The following DNM3 variants were observed in gnomAD, a reference collection of about 807,000 sequenced individuals.
The protein encoded by DNM3 is dynamin-3.
In DNM3, 47 loss-of-function variants were observed where a neutral mutation model predicts 101.6. The observed-to-expected ratio is 0.46, with a 90% CI of 0.37 to 0.59. DNM3 has a LOEUF of 0.59. DNM3 is among the 20% of genes least tolerant of loss of function. DNM3 has a pLI of 0.00. For missense variants in DNM3, 849 were observed against 1,085.7 expected (o/e 0.78, Z 3.06); for synonymous variants, 385 against 387.9 (o/e 0.99, Z 0.09).
chr1:171,912,866 T>C (rs2039419422), intron 1 of DNM3, among the ~76,000 whole-genome samples: 1 of 152,356 alleles, frequency 6.6e-6, no homozygotes, highest in African/African-American at 2.4e-5. Context: ...ATCTTTTTAC[T>C]AGTGCTTTTT....
At chr1:172,324,162 G>A (rs1000038714) in intron 17 of DNM3, among the ~76,000 whole-genome samples, 2 of 152,138 alleles carry the variant, frequency 1.3e-5, no homozygotes, top group Admixed American at 1.3e-4. Context: ...GTTTAGTTGG[G>A]CGATTTGTTT....
At chr1:171,890,452 T>C (rs1237565526) in intron 1 of DNM3, among the ~76,000 whole-genome samples, 1 of 152,192 alleles carries the variant, frequency 6.6e-6, no homozygotes, top group African/African-American at 2.4e-5. Context: ...GTGACTTCCT[T>C]GTGTAAAACT....
chr1:172,228,005 T>C (rs1042892263), intron 14 of DNM3, among the ~76,000 whole-genome samples: 7 of 152,150 alleles, frequency 4.6e-5, no homozygotes, highest in African/African-American at 1.4e-4. Context: ...CCTTGACACT[T>C]TTCTATTAGG....
intron 4 of DNM3, among the ~76,000 whole-genome samples, chr1:172,014,503 A>G (rs1034301079): frequency 1.8e-4 from 27 of 152,116 alleles, no homozygotes; most frequent in Admixed American, 6.6e-5. Flanking sequence ...ATAGGTGTGT[A>G]GTGGCATTTC....
intron 2 of DNM3, among the ~76,000 whole-genome samples, chr1:171,927,515 T>C (rs1008133987): frequency 1.3e-5 from 2 of 152,240 alleles, no homozygotes; most frequent in African/African-American, 4.8e-5. Context: ...TTTCTGTTCC[T>C]GCGTTAGTTT....
intron 13 of DNM3, among the ~76,000 whole-genome samples, chr1:172,108,675 T>G (rs981370426): frequency 2.8e-4 from 42 of 152,348 alleles, no homozygotes; most frequent in Middle Eastern, 3.4e-3. Flanking sequence ...CCCAGGGAAT[T>G]CCATCAGGCT....
rs540071418 is a variant in DNM3 at position 172,406,691 on chromosome 1, T to A, written c.2523-1081T>A. 3.0e-4 allele frequency among the ~76,000 whole-genome samples: 46 copies of A among 151,872 alleles called. 1 individual carries two copies. The South Asian group carries it at 8.9e-3, about 29-fold the overall frequency. On this transcript the variant is annotated intron_variant, in intron 20 of 20. Transcript: ENST00000627582. ...TTTCAACAACTATTTTTTTCAAAAC[T>A]ATTTTTCAAAACTATTTTTCATAAT...
At chr1:171,985,050 G>A (rs2045142309) in intron 2 of DNM3, among the ~76,000 whole-genome samples, 7 of 152,158 alleles carry the variant, frequency 4.6e-5, no homozygotes, top group Admixed American at 4.6e-4. Context: ...TGCAGAGAAA[G>A]CAAGTAGGTG....
chr1:172,392,348 T>C (rs995197169), intron 20 of DNM3, among the ~76,000 whole-genome samples: 2 of 152,234 alleles, frequency 1.3e-5, no homozygotes, highest in African/African-American at 4.8e-5. Context: ...CCAGAATATC[T>C]GGATTGTCAC....
intron 14 of DNM3, among the ~76,000 whole-genome samples, chr1:172,204,093 T>C (rs1365116551): frequency 6.6e-6 from 1 of 152,188 alleles, no homozygotes; most frequent in Non-Finnish European, 1.5e-5. Flanking sequence ...CCCAGTGCTA[T>C]GGCATATTTT....
intron 4 of DNM3, among the ~76,000 whole-genome samples, chr1:172,014,661 A>G (rs538630028): frequency 1.3e-5 from 2 of 152,156 alleles, no homozygotes; most frequent in Middle Eastern, 3.4e-3. Flanking sequence ...TTGAGTTTTA[A>G]GAGTATTTTT....
chr1:171,981,830 A>C (rs2044820665), intron 2 of DNM3, among the ~76,000 whole-genome samples: 1 of 152,248 alleles, frequency 6.6e-6, no homozygotes, highest in Non-Finnish European at 1.5e-5. Flanking sequence ...TGAAAATGAA[A>C]TAAATTTCAA....
intron 10 of DNM3, among the ~76,000 whole-genome samples, chr1:172,054,176 A>G (rs998030502): frequency 1.3e-5 from 2 of 152,324 alleles, no homozygotes; most frequent in South Asian, 2.1e-4. Context: ...AAAACCTTAA[A>G]TGCTTTTTTC....
intron 2 of DNM3, among the ~76,000 whole-genome samples, chr1:171,971,181 C>T (rs540548749): frequency 1.9e-4 from 29 of 152,000 alleles, no homozygotes; most frequent in South Asian, 1.0e-3. Context: ...TTTGCCCAGC[C>T]GTATATCTCC....
At chr1:171,848,328 A>G (rs2124979008) in intron 1 of DNM3, among the ~76,000 whole-genome samples, 1 of 152,188 alleles carries the variant, frequency 6.6e-6, no homozygotes, top group East Asian at 1.9e-4. Flanking sequence ...TCCCATACAG[A>G]ATAGTGGAGA....
intron 15 of DNM3, among the ~76,000 whole-genome samples, chr1:172,269,486 T>C (rs2063000545): frequency 6.6e-6 from 1 of 152,174 alleles, no homozygotes; most frequent in Admixed American, 6.5e-5. Context: ...CTAAGAGACA[T>C]GCTTTAAATG....
chr1:172,124,886 C>T (rs994395271), intron 13 of DNM3, among the ~76,000 whole-genome samples: 6 of 152,178 alleles, frequency 3.9e-5, no homozygotes, highest in Admixed American at 3.3e-4. Context: ...AATGGGAAGA[C>T]TCTTTTCCCT....
At chr1:172,346,555 A>T (rs1443978335) in intron 17 of DNM3, among the ~76,000 whole-genome samples, 1 of 152,238 alleles carries the variant, frequency 6.6e-6, no homozygotes, top group Non-Finnish European at 1.5e-5. Context: ...GACGACTAAG[A>T]TACTGTTGCA....
chr1:172,039,918 AAC>A (rs2049250744), intron 7 of DNM3, among the ~76,000 whole-genome samples: 1 of 152,156 alleles, frequency 6.6e-6, no homozygotes, highest in East Asian at 1.9e-4. Context: ...AACACAATTT[AAC>A]ACAATTAATT....
Sources: allele counts gnomAD v4.1 joint callset (sites outside exome capture counted in the v4.1 genomes callset), GRCh38; gene constraint gnomAD v4.1.1; transcripts MANE v1.5; gene names NCBI Gene and HGNC (gene_info 2026-07-23, HGNC 2026-07-21).